ANKRD30B: variants seen among roughly 807,000 people sequenced by gnomAD.
ANKRD30B encodes the protein ankyrin repeat domain-containing protein 30B.
ANKRD30B carries 144 observed loss-of-function variants against 202.2 expected under a neutral mutation model. The observed-to-expected ratio is 0.71, with a 90% CI of 0.62 to 0.82. The LOEUF (loss-of-function observed/expected upper bound fraction) is 0.82, where lower values mean the gene tolerates loss of function less well. ANKRD30B is among the 40% of genes least tolerant of loss of function. ANKRD30B has a pLI of 0.00. For missense variants in ANKRD30B, 1,487 were observed against 1,669.1 expected (o/e 0.89, Z 1.90); for synonymous variants, 508 against 561.3 (o/e 0.91, Z 1.34).
the ANKRD30B span, among the ~76,000 whole-genome samples, chr18:14,910,399 T>C: frequency 6.6e-6 from 1 of 151,942 alleles, no homozygotes; most frequent in African/African-American, 2.4e-5. Context: ...TCTACGTTCC[T>C]AAAAAGACAT....
intron 34 of ANKRD30B, among the ~76,000 whole-genome samples, chr18:14,833,390 A>C (rs1417369132): frequency 6.6e-6 from 1 of 152,120 alleles, no homozygotes; most frequent in Non-Finnish European, 1.5e-5. Context: ...CTGGAACTAC[A>C]GGCATCCGCC....
chr18:14,837,067 G>C, intron 34 of ANKRD30B, 144 bp from the exon 35 acceptor site: 1 of 573,118 alleles, frequency 1.7e-6, no homozygotes. Context: ...CCAGGATAGT[G>C]CCTATGATTT....
chr18:14,916,035 G>C, the ANKRD30B span, among the ~76,000 whole-genome samples: 1 of 152,212 alleles, frequency 6.6e-6, no homozygotes, highest in African/African-American at 2.4e-5. Flanking sequence ...AGCATCTGTA[G>C]ATTTTGGTAT....
At chr18:14,880,523 G>A in the ANKRD30B span, among the ~76,000 whole-genome samples, 7 of 148,770 alleles carry the variant, frequency 4.7e-5, no homozygotes, top group East Asian at 2.0e-4. Context: ...ATGGGGATGC[G>A]TTTCCATTTG....
chr18:14,761,600 C>A (rs1421097104), intron 6 of ANKRD30B, among the ~76,000 whole-genome samples: 1 of 152,238 alleles, frequency 6.6e-6, no homozygotes, highest in Non-Finnish European at 1.5e-5. Context: ...GAGACTTTTA[C>A]AAAACCTTCT....
chr18:14,934,409 T>C, the ANKRD30B span, among the ~76,000 whole-genome samples: 2 of 152,218 alleles, frequency 1.3e-5, no homozygotes, highest in African/African-American at 4.8e-5. Context: ...CCGGCAGTGA[T>C]GGCACACAGG....
chr18:14,926,888 C>A, the ANKRD30B span, among the ~76,000 whole-genome samples: 1 of 151,924 alleles, frequency 6.6e-6, no homozygotes, highest in Non-Finnish European at 1.5e-5. Context: ...AAGTACAAAG[C>A]ACTGTCTATG....
chr18:14,764,156 G>A, intron 7 of ANKRD30B, 66 bp downstream of exon 7: 1 of 1,426,700 alleles, frequency 7.0e-7, no homozygotes, highest in Non-Finnish European at 9.2e-7. Context: ...AAAAAAGTGT[G>A]ATATGGGAGT....
At chr18:14,847,100 TG>T (rs1394246968) in intron 39 of ANKRD30B, among the ~76,000 whole-genome samples, 1 of 127,298 alleles carries the variant, frequency 7.9e-6, no homozygotes, top group Admixed American at 8.5e-5. Context: ...ATATGTATAA[TG>T]TTTTTTAGTT....
At chr18:14,860,046 G>T in the ANKRD30B span, among the ~76,000 whole-genome samples, 5 of 141,522 alleles carry the variant, frequency 3.5e-5, no homozygotes, top group Admixed American at 6.9e-5. Context: ...CAGACAGGGT[G>T]GCCGGGCAGA....
At chr18:14,817,689 T>C (rs1970187293) in intron 30 of ANKRD30B, among the ~76,000 whole-genome samples, 1 of 152,216 alleles carries the variant, frequency 6.6e-6, no homozygotes, top group Non-Finnish European at 1.5e-5. Flanking sequence ...AGGATGTACA[T>C]TTATCATATT....
At position 14,767,844 on chromosome 18, in the gene ANKRD30B, C is replaced by T. The variant is rs188584164; in HGVS notation, c.1226-1499C>T. Among the ~76,000 whole-genome samples the T allele has an allele frequency of 1.5e-3, 224 of 152,286 alleles. 1 individual carries two copies. The highest frequency in any genetic ancestry group is 1.2e-3 in the Non-Finnish European group (81 of 68,026). ...TGACTTGCATATTTCTAGAATTCCC[C>T]ATTTAATATTTTTGGACTATGGTTG... On this transcript the variant is annotated intron_variant, in intron 7 of 43. Coordinates refer to ENST00000690538, the MANE Select transcript of ANKRD30B (RefSeq NM_001367607.2).
chr18:14,797,714 T>C (rs1385795029), intron 19 of ANKRD30B, 25 bp downstream of exon 19: 2 of 1,608,780 alleles, frequency 1.2e-6, no homozygotes, highest in Middle Eastern at 1.6e-4. Flanking sequence ...GTCTCTATCT[T>C]GAATATTAAC....
At chr18:14,779,227 C>T (rs2057283152) in intron 10 of ANKRD30B, among the ~76,000 whole-genome samples, 1 of 152,102 alleles carries the variant, frequency 6.6e-6, no homozygotes, top group South Asian at 2.1e-4. Context: ...TCTCAGTACT[C>T]CTTGGACCTT....
chr18:14,848,549 AG>A (rs1321518429), intron 39 of ANKRD30B, among the ~76,000 whole-genome samples, 166 bp from the exon 40 acceptor site: 1 of 151,448 alleles, frequency 6.6e-6, no homozygotes, highest in Non-Finnish European at 1.5e-5. Flanking sequence ...ACAAGAGCAG[AG>A]TTTTTTTTTT....
At chr18:14,790,224 T>C (rs1008671106) in intron 15 of ANKRD30B, among the ~76,000 whole-genome samples, 11 of 152,302 alleles carry the variant, frequency 7.2e-5, no homozygotes, top group African/African-American at 2.6e-4. Flanking sequence ...TGCTTGTGAT[T>C]TTTTACATTG....
intron 1 of ANKRD30B, among the ~76,000 whole-genome samples, chr18:14,749,424 C>T (rs555694759): frequency 2.6e-5 from 4 of 152,080 alleles, no homozygotes; most frequent in African/African-American, 9.7e-5. Flanking sequence ...GTAATCCCAG[C>T]ACTTTGGGCG....
At chr18:14,936,168 A>G in the ANKRD30B span, among the ~76,000 whole-genome samples, 1 of 152,166 alleles carries the variant, frequency 6.6e-6, no homozygotes. Context: ...GGCCCAAGGC[A>G]TGTCTCACAG....
At chr18:14,842,806 A>C in intron 37 of ANKRD30B, 91 bp from the exon 38 acceptor site, 1 of 1,274,884 alleles carries the variant, frequency 7.8e-7, no homozygotes, top group Non-Finnish European at 1.1e-6. Flanking sequence ...CAAAGCTGAG[A>C]AAAAGGACTT....
Sources: allele counts gnomAD v4.1 joint callset (sites outside exome capture counted in the v4.1 genomes callset), GRCh38; gene constraint gnomAD v4.1.1; transcripts MANE v1.5; gene names NCBI Gene and HGNC (gene_info 2026-07-23, HGNC 2026-07-21).